DGKI: variants seen among roughly 807,000 people sequenced by gnomAD.
The protein encoded by DGKI is DAG kinase iota.
Under a neutral mutation model 147.5 loss-of-function variants are expected in DGKI, and 55 were observed. The ratio of observed to expected loss-of-function variants is 0.37; its 90% CI spans 0.30 to 0.47. DGKI has a LOEUF of 0.47. Ranked by LOEUF, DGKI falls within the 20% of genes least tolerant of loss-of-function variation. The pLI, the probability that DGKI is intolerant of heterozygous loss-of-function variation, is 1.00. For missense variants in DGKI, 1,007 were observed against 1,323.8 expected (o/e 0.76, Z 3.71); for synonymous variants, 469 against 477.1 (o/e 0.98, Z 0.22).
At chr7:137,501,831 T>C (rs1207580079) in intron 21 of DGKI, among the ~76,000 whole-genome samples, 1 of 152,168 alleles carries the variant, frequency 6.6e-6, no homozygotes, top group East Asian at 1.9e-4. Context: ...GGTTTGGCTC[T>C]GTGACCCCAC....
At chr7:137,733,631 A>G (rs1284666064) in intron 1 of DGKI, among the ~76,000 whole-genome samples, 1 of 152,116 alleles carries the variant, frequency 6.6e-6, no homozygotes, top group African/African-American at 2.4e-5. Context: ...AGTGTATAAA[A>G]CAAAGAACTC....
chr7:137,609,616 GGA>G lies in DGKI; in HGVS notation c.994-9_994-8del, dbSNP rs766572041. 2 of 1,610,712 alleles carry G rather than the reference GGA, an allele frequency of 1.2e-6. No homozygotes were observed. Among genetic ancestry groups the G allele is most frequent in the East Asian group, 2.2e-5 (1 of 44,810 alleles). On this transcript the variant is annotated splice_region_variant and splice_polypyrimidine_tract_variant and intron_variant, in intron 8 of 32. Coordinates refer to ENST00000614521, the MANE Select transcript of DGKI (RefSeq NM_001321708.2). ...TTGAAGCCTTCAGGGAGTTCTGTAG[GGA>G]GAGAGAGAAATGCCTGAGCTCAGAG...
intron 28 of DGKI, among the ~76,000 whole-genome samples, chr7:137,440,561 T>C (rs1371157798): frequency 6.6e-6 from 1 of 152,212 alleles, no homozygotes; most frequent in South Asian, 2.1e-4. Flanking sequence ...GTTTGATTGT[T>C]AGAATTGGGT....
intron 27 of DGKI, among the ~76,000 whole-genome samples, chr7:137,460,864 T>C (rs1044236089): frequency 2.0e-5 from 3 of 152,218 alleles, no homozygotes; most frequent in African/African-American, 7.2e-5. Flanking sequence ...ATCAAGGTGG[T>C]TGGTACATGA....
intron 27 of DGKI, among the ~76,000 whole-genome samples, chr7:137,458,951 C>A (rs571734653): frequency 5.3e-4 from 81 of 152,262 alleles, no homozygotes; most frequent in Admixed American, 6.5e-4. Context: ...AACCACTTCT[C>A]ACCAATTCAT....
intron 1 of DGKI, among the ~76,000 whole-genome samples, chr7:137,814,774 G>T (rs1274173653): frequency 6.6e-6 from 1 of 152,138 alleles, no homozygotes; most frequent in African/African-American, 2.4e-5. Flanking sequence ...AACAAGTATA[G>T]AAAGGAATAT....
At chr7:137,825,809 G>A (rs1195279962) in intron 1 of DGKI, among the ~76,000 whole-genome samples, 1 of 152,148 alleles carries the variant, frequency 6.6e-6, no homozygotes, top group Admixed American at 6.5e-5. Context: ...ATTTGTTTAT[G>A]TCTTTGTCAA....
At chr7:137,731,160 A>G (rs1344988205) in intron 1 of DGKI, among the ~76,000 whole-genome samples, 1 of 152,040 alleles carries the variant, frequency 6.6e-6, no homozygotes, top group Non-Finnish European at 1.5e-5. Flanking sequence ...TCTCCATACT[A>G]GTATTATATC....
chr7:137,754,485 C>G (rs571147409), intron 1 of DGKI, among the ~76,000 whole-genome samples: 62 of 152,226 alleles, frequency 4.1e-4, no homozygotes, highest in Admixed American at 7.9e-4. Flanking sequence ...TGTCTGCAAT[C>G]ATTCACCAGC....
intron 21 of DGKI, among the ~76,000 whole-genome samples, chr7:137,504,013 C>T (rs747822161): frequency 6.6e-6 from 1 of 152,044 alleles, no homozygotes; most frequent in African/African-American, 2.4e-5. Context: ...ATAAAAGAAT[C>T]AACCAAACCT....
chr7:137,639,731 G>C (rs916879124), intron 6 of DGKI, among the ~76,000 whole-genome samples: 2 of 152,140 alleles, frequency 1.3e-5, no homozygotes, highest in Non-Finnish European at 2.9e-5. Context: ...GACCAGGATA[G>C]TGACCACACC....
rs533086833 is a variant in DGKI, at chr7:137,402,675, G to A, written c.2920+5200C>T. Among the ~76,000 whole-genome samples the A allele has an allele frequency of 1.8e-3, 271 of 152,182 alleles. 2 individuals carry two copies. Among genetic ancestry groups the A allele is most frequent in the South Asian group, 4.0e-3 (19 of 4,808 alleles). ...CTTCCACTTCCCATGGCCTCTCTCT[G>A]GGCCCTCATTTCCCATTAGTCTCCC... On this transcript the variant is annotated intron_variant, in intron 30 of 32. Transcript: ENST00000614521.
At chr7:137,665,227 C>T (rs1214031485) in intron 3 of DGKI, among the ~76,000 whole-genome samples, 1 of 152,042 alleles carries the variant, frequency 6.6e-6, no homozygotes, top group Non-Finnish European at 1.5e-5. Context: ...GTGATGGGGG[C>T]CTGAACTGGA....
intron 1 of DGKI, among the ~76,000 whole-genome samples, chr7:137,840,487 G>C (rs1798513769): frequency 6.6e-6 from 1 of 152,238 alleles, no homozygotes; most frequent in Non-Finnish European, 1.5e-5. Context: ...CCCTTGGAAA[G>C]GGATGAGACA....
intron 15 of DGKI, among the ~76,000 whole-genome samples, chr7:137,578,937 C>A (rs930983247): frequency 6.6e-6 from 1 of 152,100 alleles, no homozygotes; most frequent in Admixed American, 6.5e-5. Context: ...AAAAGAAATA[C>A]AATATATGTA....
At chr7:137,752,698 T>C (rs564336683) in intron 1 of DGKI, among the ~76,000 whole-genome samples, 3 of 152,262 alleles carry the variant, frequency 2.0e-5, no homozygotes, top group African/African-American at 7.2e-5. Flanking sequence ...GCTTGCTCAA[T>C]CGATCACGAC....
At chr7:137,672,765 T>C (rs1446176747) in intron 3 of DGKI, among the ~76,000 whole-genome samples, 4 of 120,430 alleles carry the variant, frequency 3.3e-5, no homozygotes, top group Non-Finnish European at 6.6e-5. Flanking sequence ...TCTCTGTGTG[T>C]CTTTTTTTTT....
intron 28 of DGKI, among the ~76,000 whole-genome samples, chr7:137,443,848 G>A (rs1429258258): frequency 6.6e-6 from 1 of 152,122 alleles, no homozygotes; most frequent in African/African-American, 2.4e-5. Flanking sequence ...ATAAATTAAG[G>A]CTTCACAATA....
At chr7:137,789,546 T>C (rs966688094) in intron 1 of DGKI, among the ~76,000 whole-genome samples, 1 of 152,126 alleles carries the variant, frequency 6.6e-6, no homozygotes, top group Non-Finnish European at 1.5e-5. Flanking sequence ...AATTAAATGT[T>C]TCAAAACAGA....
Sources: gnomAD v4.1 joint callset for allele counts (sites outside exome capture counted in the v4.1 genomes callset) on GRCh38, gnomAD v4.1.1 for gene constraint, MANE v1.5 for transcripts, NCBI Gene and HGNC (gene_info 2026-07-23, HGNC 2026-07-21) for gene names.